Variants in CUBN observed in about 807,000 individuals in gnomAD.
CUBN encodes the protein cubilin.
Under a neutral mutation model 405.3 loss-of-function variants are expected in CUBN, and 282 were observed. That is an observed-to-expected ratio of 0.70 (90% confidence interval 0.63 to 0.77). CUBN has a LOEUF of 0.77. Ranked by LOEUF, CUBN falls within the 30% of genes least tolerant of loss-of-function variation. CUBN has a pLI of 0.00. For missense variants in CUBN, 4,514 were observed against 4,475.2 expected, an observed-to-expected ratio of 1.01 and a Z score of -0.25; for synonymous variants, 1,684 against 1,617.0, an observed-to-expected ratio of 1.04 and a Z score of -0.99.
intron 56 of CUBN, among the ~76,000 whole-genome samples, chr10:16,881,951 G>A (rs1295345360): frequency 6.6e-6 from 1 of 152,150 alleles, no homozygotes; most frequent in Non-Finnish European, 1.5e-5. Context: ...AGGTGTTGGT[G>A]ACAGACTAAA....
At chr10:17,078,173 C>G (rs544749314) in intron 17 of CUBN, among the ~76,000 whole-genome samples, 1 of 152,208 alleles carries the variant, frequency 6.6e-6, no homozygotes, top group East Asian at 1.9e-4. Context: ...AATTGTTTGT[C>G]CTTGCATATA....
chr10:16,984,231 T>C lies in CUBN; in HGVS notation c.4399A>G (p.Thr1467Ala), dbSNP rs754702446. The C allele has an allele frequency of 6.2e-7, 1 of 1,614,144 alleles. No individual in the cohort carries two copies. Among genetic ancestry groups the C allele is most frequent in the Admixed American group, 1.7e-5 (1 of 60,010 alleles). ...FHSPRIAQLC[T>A]QRSPENPMQV... Reference sequence around the variant, plus strand: ...ATGGGGTTCTCAGGTGATCTCTGGGTACACAGTTGGGCTATTCTGGGAGAG... The same window carrying C: ...ATGGGGTTCTCAGGTGATCTCTGGGCACACAGTTGGGCTATTCTGGGAGAG... Residue 1467 changes from threonine to alanine, a missense_variant, in exon 30 of 67, where the codon ACC becomes GCC. By Grantham distance (58) the Thr-to-Ala change is moderately conservative. Coordinates refer to ENST00000377833, the MANE Select transcript of CUBN (RefSeq NM_001081.4).
intron 31 of CUBN, among the ~76,000 whole-genome samples, chr10:16,982,046 T>C (rs1383073413): frequency 2.6e-5 from 4 of 152,232 alleles, no homozygotes; most frequent in Admixed American, 6.5e-5. Flanking sequence ...TGGATCTCTT[T>C]TGTAGTCAGT....
At chr10:17,047,968 TA>T (rs1451468390) in intron 22 of CUBN, among the ~76,000 whole-genome samples, 1 of 152,212 alleles carries the variant, frequency 6.6e-6, no homozygotes, top group Admixed American at 6.5e-5. Flanking sequence ...AAGCTCCCTT[TA>T]AAGTGGTTTT....
At position 17,108,848 on chromosome 10, in the gene CUBN, T is replaced by C. The variant is rs760560292; in HGVS notation, c.1111+792A>G. ...AAACATAAGACAGATAATGAGATAA[T>C]GTCCTTAGTACATAAAGAAACTTTA... On this transcript the variant is annotated intron_variant, in intron 10 of 66. Coordinates refer to ENST00000377833, the MANE Select transcript of CUBN (RefSeq NM_001081.4). Among the ~76,000 whole-genome samples, 8 of 152,046 alleles carry C rather than the reference T, an allele frequency of 5.3e-5. 1 individual carries two copies. The highest frequency in any genetic ancestry group is 1.2e-4 in the Non-Finnish European group (8 of 68,004).
At chr10:17,057,774 GA>G (rs1246983568) in intron 22 of CUBN, among the ~76,000 whole-genome samples, 1 of 151,730 alleles carries the variant, frequency 6.6e-6, no homozygotes, top group African/African-American at 2.4e-5. Context: ...GCAATAGAAA[GA>G]AAAAAACACA....
chr10:16,864,883 C>T (rs1170072814), intron 59 of CUBN, among the ~76,000 whole-genome samples: 1 of 149,910 alleles, frequency 6.7e-6, no homozygotes, highest in African/African-American at 2.4e-5. Flanking sequence ...CTCCCGACCT[C>T]AGGTGATTCA....
intron 59 of CUBN, among the ~76,000 whole-genome samples, chr10:16,867,819 G>A (rs1840229979): frequency 6.6e-6 from 1 of 152,138 alleles, no homozygotes. Context: ...TCTTCTTTGT[G>A]GCTTGGAAAG....
At chr10:16,860,894 G>T (rs1839993540) in intron 59 of CUBN, among the ~76,000 whole-genome samples, 1 of 152,122 alleles carries the variant, frequency 6.6e-6, no homozygotes, top group African/African-American at 2.4e-5. Context: ...CATCCCCACA[G>T]GTGCTGGGAT....
intron 25 of CUBN, among the ~76,000 whole-genome samples, chr10:17,044,295 ATCTT>A (rs1235295446): frequency 6.8e-6 from 1 of 147,488 alleles, no homozygotes; most frequent in Non-Finnish European, 1.5e-5. Flanking sequence ...AAATAAATAT[ATCTT>A]TATATATAAT....
In CUBN at chr10:17,019,995, G is replaced by A; in HGVS notation, c.4018-12C>T. On this transcript the variant is annotated splice_polypyrimidine_tract_variant and intron_variant, in intron 27 of 66. Coordinates refer to ENST00000377833, the MANE Select transcript of CUBN (RefSeq NM_001081.4). ...GGTCCATCATAGAGCTGAAATTGAA[G>A]AGAAACTTTCCCATATAAAAACACA... is the stretch of plus-strand genomic sequence containing the variant. The A allele has an allele frequency of 6.2e-7, 1 of 1,613,954 alleles. No individual in the cohort carries two copies. Among genetic ancestry groups the A allele is most frequent in the East Asian group, 2.2e-5 (1 of 44,884 alleles).
rs115449747 is a variant in CUBN, at chr10:16,906,247, T to G, written c.7868A>C (p.Glu2623Ala). Residue 2623 changes from glutamate (E) to alanine (A), a missense_variant, in exon 50 of 67, where the codon GAA becomes GCA. Glu to Ala is a moderately radical substitution (Grantham distance 107, BLOSUM62 -1). This residue lies in a region of CUBN where 1,613 missense variants were observed against 1,542.8 expected (regional missense o/e 1.05). Coordinates refer to ENST00000377833, the MANE Select transcript of CUBN (RefSeq NM_001081.4). ...ISIHFEDFYL[E>A]SHQDCQFDVL... The stretch of plus-strand genomic sequence containing the variant: ...ATCAAATTGACAGTCTTGGTGACTT[T>G]CTAGGTAAAAATCTTCAAAGTGAAT... 6.9e-4 allele frequency: 1,110 copies of G among 1,614,176 alleles called. 6 individuals carry two copies. In the African/African-American group the frequency reaches 0.013, roughly 20 times the overall value.
At chr10:16,991,908 T>C (rs1351110583) in intron 28 of CUBN, among the ~76,000 whole-genome samples, 2 of 152,188 alleles carry the variant, frequency 1.3e-5, no homozygotes, top group African/African-American at 4.8e-5. Context: ...CCCAAAGGAA[T>C]ATAAATCATG....
At position 16,840,953 on chromosome 10, in the gene CUBN, G is replaced by T. The variant is rs142446396; in HGVS notation, c.9758C>A (p.Thr3253Lys). ...TGTTAAGTCACTGATGAATTGAACC[G>T]TAAGGAAGTTACCAGAAGAGATAAA... ...APFISSGNFL[T>K]VQFISDLTLE... The change falls in exon 61 of 67, where the codon ACG becomes AAG. Residue 3253 changes from threonine (T) to lysine (K), a missense_variant. By Grantham distance (78) the Thr-to-Lys change is moderately conservative (BLOSUM62 -1). Transcript: ENST00000377833. 1.2e-5 allele frequency: 19 copies of T among 1,613,666 alleles called. No individual in the cohort carries two copies. Among genetic ancestry groups the T allele is most frequent in the Non-Finnish European group, 1.4e-5 (17 of 1,179,682 alleles).
intron 31 of CUBN, among the ~76,000 whole-genome samples, chr10:16,975,624 CTTTTTTTTTTTTTT>C (rs199779818): frequency 8.0e-6 from 1 of 124,300 alleles, no homozygotes; most frequent in Non-Finnish European, 1.6e-5. Flanking sequence ...TAAAGACCTT[CTTTTTTTTTTTTTT>C]TTTTTTTTTT....
intron 64 of CUBN, among the ~76,000 whole-genome samples, chr10:16,832,912 C>T (rs1839052044): frequency 6.6e-6 from 1 of 152,210 alleles, no homozygotes; most frequent in Non-Finnish European, 1.5e-5. Flanking sequence ...ACTATGCCCA[C>T]AGCCTTCCCA....
At chr10:17,021,837 G>C (rs915262161) in intron 27 of CUBN, among the ~76,000 whole-genome samples, 4 of 152,212 alleles carry the variant, frequency 2.6e-5, no homozygotes, top group East Asian at 1.9e-4. Context: ...CACATCCCCA[G>C]GCATTCTTGT....
chr10:17,101,127 A>C (rs1323791342), intron 13 of CUBN, among the ~76,000 whole-genome samples: 4 of 152,212 alleles, frequency 2.6e-5, no homozygotes, highest in Non-Finnish European at 5.9e-5. Context: ...AGGGTATTTT[A>C]AGATCAGTTA....
intron 48 of CUBN, among the ~76,000 whole-genome samples, chr10:16,910,716 T>C (rs1198622721): frequency 6.6e-6 from 1 of 151,776 alleles, no homozygotes; most frequent in Non-Finnish European, 1.5e-5. Flanking sequence ...TGAAGAAAAC[T>C]GACCCCAAAT....
Sources: allele counts gnomAD v4.1 joint callset (sites outside exome capture counted in the v4.1 genomes callset), GRCh38; gene constraint gnomAD v4.1.1; regional missense constraint gnomAD v4.1.1; transcripts MANE v1.5; gene names NCBI Gene and HGNC (gene_info 2026-07-23, HGNC 2026-07-21).